SLC28A1: variants seen among roughly 807,000 people sequenced by gnomAD.
SLC28A1 encodes the protein solute carrier family 28 member 1.
Under a neutral mutation model 74.8 loss-of-function variants are expected in SLC28A1, and 64 were observed. The observed-to-expected ratio is 0.86, with a 90% CI of 0.70 to 1.05. The LOEUF is 1.05. Ranked by LOEUF, SLC28A1 falls within the 50% of genes least tolerant of loss-of-function variation. The probability of loss-of-function intolerance (pLI) is 0.00; values close to 1 mark genes in which losing one functional copy is unlikely to be tolerated. For synonymous variants in SLC28A1, 359 were observed against 335.0 expected, an observed-to-expected ratio of 1.07 and a Z score of -0.78; for missense variants, 828 against 822.8, an observed-to-expected ratio of 1.01 and a Z score of -0.08.
chr15:84,910,859 T>C lies in SLC28A1; in HGVS notation c.795+2064T>C, dbSNP rs115638401. Among the ~76,000 whole-genome samples, 534 of 152,218 alleles carry C rather than the reference T, an allele frequency of 3.5e-3. 4 individuals are homozygous for C. Among genetic ancestry groups the C allele is most frequent in the African/African-American group, 0.012 (510 of 41,520 alleles). On this transcript the variant is annotated intron_variant, in intron 9 of 18. Transcript: ENST00000394573. Reference sequence around the variant, plus strand: ...TGCGTATAAGGAGAGATTCTTCTAATAAGAGACCGTGAGGGAGACTCCTTG... The same window carrying C: ...TGCGTATAAGGAGAGATTCTTCTAACAAGAGACCGTGAGGGAGACTCCTTG...
At chr15:84,956,574 C>T in the SLC28A1 span, among the ~76,000 whole-genome samples, 1 of 151,568 alleles carries the variant, frequency 6.6e-6, no homozygotes, top group African/African-American at 2.4e-5. Flanking sequence ...CTCACTGCAG[C>T]CTCAACCTCC....
intron 12 of SLC28A1, among the ~76,000 whole-genome samples, chr15:84,929,302 T>C (rs1305685950): frequency 6.6e-6 from 1 of 152,124 alleles, no homozygotes; most frequent in Non-Finnish European, 1.5e-5. Flanking sequence ...TCCAGCACTT[T>C]GGGAGGCCGA....
At chr15:84,937,753 T>C (rs1972110559) in intron 15 of SLC28A1, among the ~76,000 whole-genome samples, 1 of 151,452 alleles carries the variant, frequency 6.6e-6, no homozygotes, top group African/African-American at 2.4e-5. Flanking sequence ...AATACAAAAA[T>C]CAGTGGTTGT....
rs755735543 is a variant in SLC28A1, at chr15:84,945,389, T to A, written c.*189T>A. 3 of 641,984 alleles carry A rather than the reference T, an allele frequency of 4.7e-6. No individual in the cohort carries two copies. The highest frequency in any genetic ancestry group is 8.6e-6 in the Non-Finnish European group (3 of 349,474). The allele number at this position is 641,984 out of a possible 1,614,324, so 39.8% of individuals were successfully genotyped here. A position where few individuals can be genotyped will look rare whatever the true frequency, so the allele number is the denominator to read the frequency against. ...GTGAGTGAGGACATAAGGAAGGACA[T>A]GTCCCACTCCATCCCCCTTCCTGCT... On this transcript the variant is annotated 3_prime_UTR_variant, in exon 19 of 19. Coordinates refer to ENST00000394573, the MANE Select transcript of SLC28A1 (RefSeq NM_004213.5).
intron 8 of SLC28A1, among the ~76,000 whole-genome samples, chr15:84,906,077 T>A (rs1041616544): frequency 2.0e-5 from 3 of 150,112 alleles, no homozygotes; most frequent in African/African-American, 4.9e-5. Flanking sequence ...TGGAGTGCAG[T>A]GGTGCAATCT....
chr15:84,915,226 G>C (rs1250134313), intron 9 of SLC28A1, among the ~76,000 whole-genome samples: 1 of 152,192 alleles, frequency 6.6e-6, no homozygotes, highest in Non-Finnish European at 1.5e-5. Context: ...TCTGTCGGGT[G>C]ACTTCCCCAC....
At position 84,887,847 on chromosome 15, in the gene SLC28A1, G is replaced by T. The variant is rs760694451; in HGVS notation, c.87G>T (p.Leu29Phe). The T allele has an allele frequency of 1.1e-5, 17 of 1,611,940 alleles. No homozygotes were observed. The highest frequency in any genetic ancestry group is 1.4e-5 in the Non-Finnish European group (17 of 1,178,140). ...TGGAGAACATGGGGGCTGATTTCTT[G>T]GAAAGCCTGGTCTGTACCCTTCCCC... is the stretch of plus-strand genomic sequence containing the variant. ...KGLENMGADF[L>F]ESLEEGQLPR... is the part of the protein sequence containing the mutation. Residue 29 changes from leucine (L) to phenylalanine (F), a missense_variant, in exon 3 of 19, where the codon TTG (leucine) becomes TTT (phenylalanine). Around this residue, in one of 3 missense-constraint regions of SLC28A1, gnomAD observed 767 missense variants for 753.5 expected, o/e 1.02. Coordinates refer to ENST00000394573, the MANE Select transcript of SLC28A1 (RefSeq NM_004213.5).
At chr15:84,918,645 A>T (rs749035970) in intron 10 of SLC28A1, 41 bp downstream of exon 10, 2 of 1,458,748 alleles carry the variant, frequency 1.4e-6, no homozygotes, top group Non-Finnish European at 9.6e-7. Flanking sequence ...TCCCAGAGTC[A>T]CCAGCTCACA....
At chr15:84,908,910 G>A in intron 9 of SLC28A1, 115 bp downstream of exon 9, 1 of 850,498 alleles carries the variant, frequency 1.2e-6, no homozygotes, top group South Asian at 1.4e-5. Context: ...CCTGTGGGCA[G>A]AGGTCGCCGT....
At chr15:84,898,984 C>T (rs1343956219) in intron 6 of SLC28A1, among the ~76,000 whole-genome samples, 1 of 152,118 alleles carries the variant, frequency 6.6e-6, no homozygotes, top group African/African-American at 2.4e-5. Context: ...AATCCTTGAA[C>T]ATGCAGTTGA....
chr15:84,916,240 C>CAGGTGTGAGCCACTATGTCTGGCCTTT (rs1555449976), intron 9 of SLC28A1, among the ~76,000 whole-genome samples: 1 of 98,424 alleles, frequency 1.0e-5, no homozygotes, highest in Non-Finnish European at 1.9e-5. Flanking sequence ...GCTGGGATTA[C>CAGGTGTGAGCCACTATGTCTGGCCTTT]TTTTTTTTTT....
At chr15:84,889,263 A>C (rs1035748275) in intron 4 of SLC28A1, among the ~76,000 whole-genome samples, 11 of 152,326 alleles carry the variant, frequency 7.2e-5, no homozygotes, top group African/African-American at 2.6e-4. Flanking sequence ...GTAGAAGCCC[A>C]GAGAGGGGAA....
At position 84,941,949 on chromosome 15, in the gene SLC28A1, G is replaced by A. The variant is rs181983156; in HGVS notation, c.1582-1496G>A. On this transcript the variant is annotated intron_variant, in intron 15 of 18. Coordinates refer to ENST00000394573, the MANE Select transcript of SLC28A1 (RefSeq NM_004213.5). The stretch of plus-strand genomic sequence containing the variant: ...TCTGATACAGCTACCTTCTTGCTGT[G>A]TGAACTTCCTTAGTTACTTAACCTC... 8.1e-4 allele frequency among the ~76,000 whole-genome samples: 124 copies of A among 152,298 alleles called. 1 individual carries two copies. Among genetic ancestry groups the A allele is most frequent in the Non-Finnish European group, 3.2e-4 (22 of 68,030 alleles).
chr15:84,933,392 C>A, intron 13 of SLC28A1, 117 bp downstream of exon 13: 2 of 1,281,528 alleles, frequency 1.6e-6, no homozygotes, highest in Non-Finnish European at 1.1e-6. Flanking sequence ...CCCATCTCTC[C>A]ACTTTTCCTG....
At chr15:84,902,859 A>T (rs1966819091) in intron 6 of SLC28A1, among the ~76,000 whole-genome samples, 1 of 151,800 alleles carries the variant, frequency 6.6e-6, no homozygotes, top group South Asian at 2.1e-4. Context: ...CCTCCCAAGT[A>T]GCTGGGACTA....
chr15:84,927,250 A>G (rs1970626867), intron 12 of SLC28A1, among the ~76,000 whole-genome samples: 1 of 152,216 alleles, frequency 6.6e-6, no homozygotes, highest in Non-Finnish European at 1.5e-5. Context: ...AGGTTCACTG[A>G]AAAATCAGCT....
At chr15:84,922,838 A>T (rs1011537202) in intron 11 of SLC28A1, among the ~76,000 whole-genome samples, 1 of 152,218 alleles carries the variant, frequency 6.6e-6, no homozygotes, top group Non-Finnish European at 1.5e-5. Flanking sequence ...GCTTGCCTGG[A>T]ATGCTATGCT....
intron 9 of SLC28A1, among the ~76,000 whole-genome samples, chr15:84,914,900 C>T (rs1008232668): frequency 2.6e-5 from 4 of 152,150 alleles, no homozygotes; most frequent in South Asian, 2.1e-4. Context: ...CCCACTTAAT[C>T]CAAAACATAG....
chr15:84,953,503 A>C, the SLC28A1 span, among the ~76,000 whole-genome samples: 1 of 152,148 alleles, frequency 6.6e-6, no homozygotes, highest in Non-Finnish European at 1.5e-5. Context: ...CTGAGGCTGG[A>C]AGATTGCTTT....
Sources: gnomAD v4.1 joint callset for allele counts (sites outside exome capture counted in the v4.1 genomes callset) on GRCh38, gnomAD v4.1.1 for gene constraint, gnomAD v4.1.1 regional missense constraint, MANE v1.5 for transcripts, NCBI Gene and HGNC (gene_info 2026-07-23, HGNC 2026-07-21) for gene names.